BICC1: variants seen among roughly 807,000 people sequenced by gnomAD.
BICC1 encodes the protein protein bicaudal C homolog 1.
BICC1 carries 43 observed loss-of-function variants against 111.0 expected under a neutral mutation model. The ratio of observed to expected loss-of-function variants is 0.39; its 90% CI spans 0.30 to 0.50. BICC1 has a LOEUF of 0.50. Among genes scored for constraint, BICC1 ranks in the 20% least tolerant of loss-of-function variants. The pLI is 0.88. For missense variants in BICC1, 1,091 were observed against 1,203.2 expected (o/e 0.91, Z 1.38); for synonymous variants, 467 against 434.4 (o/e 1.07, Z -0.93).
chr10:58,579,026 G>A (rs1257521575), intron 1 of BICC1, among the ~76,000 whole-genome samples: 1 of 152,160 alleles, frequency 6.6e-6, no homozygotes, highest in East Asian at 1.9e-4. Flanking sequence ...TCTCATGAAA[G>A]TTCTGGTTCA....
intron 1 of BICC1, among the ~76,000 whole-genome samples, chr10:58,554,198 G>C (rs1843377223): frequency 6.6e-6 from 1 of 152,104 alleles, no homozygotes; most frequent in African/African-American, 2.4e-5. Flanking sequence ...AAGGAGTTAG[G>C]AAGATCTGTG....
chr10:58,796,303 C>T (rs759157538), intron 9 of BICC1, 37 bp from the exon 10 acceptor site: 87 of 1,582,342 alleles, frequency 5.5e-5, no homozygotes, highest in African/African-American at 6.7e-5. Context: ...AGACTACTTG[C>T]ATGTCACCTT....
At chr10:58,722,830 C>G (rs189899958) in intron 3 of BICC1, among the ~76,000 whole-genome samples, 218 of 152,200 alleles carry the variant, frequency 1.4e-3, no homozygotes, top group Admixed American at 4.5e-3. Flanking sequence ...ATAAAGGAAG[C>G]TTATTTGAGT....
chr10:58,748,627 C>T (rs1841901531), intron 3 of BICC1, among the ~76,000 whole-genome samples: 1 of 152,104 alleles, frequency 6.6e-6, no homozygotes, highest in Non-Finnish European at 1.5e-5. Flanking sequence ...AAACCTGTAT[C>T]TTAGCCCTAG....
intron 1 of BICC1, among the ~76,000 whole-genome samples, chr10:58,590,095 ATG>A (rs1350465757): frequency 1.3e-5 from 2 of 152,174 alleles, no homozygotes; most frequent in Non-Finnish European, 2.9e-5. Context: ...TATGAATGGT[ATG>A]TTATTATTCT....
intron 2 of BICC1, among the ~76,000 whole-genome samples, chr10:58,658,380 G>A (rs1838730255): frequency 6.6e-6 from 1 of 152,008 alleles, no homozygotes; most frequent in Admixed American, 6.6e-5. Context: ...GTAGAGACGG[G>A]GTTTCACCAT....
At chr10:58,668,526 A>C (rs1200842583) in intron 2 of BICC1, among the ~76,000 whole-genome samples, 14 of 152,072 alleles carry the variant, frequency 9.2e-5, no homozygotes. Flanking sequence ...CTTTTACTTC[A>C]TTTGCCCTTT....
chr10:58,742,648 G>A (rs1479947880), intron 3 of BICC1, among the ~76,000 whole-genome samples: 2 of 151,892 alleles, frequency 1.3e-5, no homozygotes, highest in Non-Finnish European at 2.9e-5. Context: ...ATATTGGCCA[G>A]TCTGGTCTTG....
intron 2 of BICC1, among the ~76,000 whole-genome samples, chr10:58,696,467 AGAAT>A (rs1234733870): frequency 6.6e-6 from 1 of 152,202 alleles, no homozygotes; most frequent in East Asian, 1.9e-4. Context: ...TATTACCGTA[AGAAT>A]GAAGTTACAC....
chr10:58,767,983 T>G (rs1041041184), intron 3 of BICC1, among the ~76,000 whole-genome samples: 5 of 152,054 alleles, frequency 3.3e-5, no homozygotes, highest in African/African-American at 1.2e-4. Context: ...ATATGCAATA[T>G]GAGAGTCTTC....
intron 1 of BICC1, among the ~76,000 whole-genome samples, chr10:58,523,251 A>T (rs1842440269): frequency 6.6e-6 from 1 of 152,168 alleles, no homozygotes; most frequent in South Asian, 2.1e-4. Context: ...GCACAACAAA[A>T]AAAGGGAATT....
chr10:58,689,387 G>T (rs1269334235), intron 2 of BICC1, among the ~76,000 whole-genome samples: 1 of 152,192 alleles, frequency 6.6e-6, no homozygotes, highest in African/African-American at 2.4e-5. Context: ...TATGGGAATG[G>T]GAGTGGCATC....
chr10:58,824,806 A>G (rs911489999), intron 20 of BICC1, among the ~76,000 whole-genome samples: 2 of 152,094 alleles, frequency 1.3e-5, no homozygotes, highest in Non-Finnish European at 2.9e-5. Flanking sequence ...ATTTGAGGGT[A>G]TTTGCATTTG....
chr10:58,798,376 C>G, intron 10 of BICC1, 23 bp from the exon 11 acceptor site: 1 of 1,525,244 alleles, frequency 6.6e-7, no homozygotes, highest in Non-Finnish European at 8.8e-7. Context: ...TGTGAATTGA[C>G]TTTATATATT....
At chr10:58,596,017 A>G (rs1046793360) in intron 1 of BICC1, among the ~76,000 whole-genome samples, 1 of 152,232 alleles carries the variant, frequency 6.6e-6, no homozygotes, top group African/African-American at 2.4e-5. Context: ...ATAAAAAATG[A>G]TATAGGGGAT....
intron 1 of BICC1, among the ~76,000 whole-genome samples, chr10:58,578,702 A>C (rs573867763): frequency 6.6e-6 from 1 of 152,246 alleles, no homozygotes; most frequent in South Asian, 2.1e-4. Flanking sequence ...CTTCTGGCAT[A>C]ATTGCGAGAG....
intron 2 of BICC1, among the ~76,000 whole-genome samples, chr10:58,623,957 GAA>G (rs201605106): frequency 8.7e-5 from 13 of 148,576 alleles, no homozygotes; most frequent in Non-Finnish European, 1.2e-4. Context: ...GATTGTTAGG[GAA>G]AAAAAAAAGT....
intron 3 of BICC1, among the ~76,000 whole-genome samples, chr10:58,733,450 A>G (rs1841378799): frequency 2.0e-5 from 3 of 152,248 alleles, no homozygotes; most frequent in Admixed American, 6.5e-5. Flanking sequence ...CAGAGAACAC[A>G]CTTGCTTAAA....
intron 17 of BICC1, among the ~76,000 whole-genome samples, chr10:58,812,482 C>CTTTTCT (rs1230142294): frequency 2.1e-5 from 3 of 142,070 alleles, no homozygotes; most frequent in African/African-American, 7.7e-5. Flanking sequence ...CTTTTCTTTT[C>CTTTTCT]TTTTTTTTTT....
Sources: gnomAD v4.1 joint callset for allele counts (sites outside exome capture counted in the v4.1 genomes callset) on GRCh38, gnomAD v4.1.1 for gene constraint, MANE v1.5 for transcripts, NCBI Gene and HGNC (gene_info 2026-07-23, HGNC 2026-07-21) for gene names.